Variants in NBEA observed in about 807,000 individuals in gnomAD.
The protein encoded by NBEA is lysosomal-trafficking regulator 2.
In NBEA, 44 loss-of-function variants were observed where a neutral mutation model predicts 343.4. That is an observed-to-expected ratio of 0.13 (90% CI 0.10 to 0.16). The LOEUF (loss-of-function observed/expected upper bound fraction) is 0.16, where lower values mean the gene tolerates loss of function less well. Among genes scored for constraint, NBEA ranks in the 10% least tolerant of loss-of-function variants. The pLI is 1.00. For synonymous variants in NBEA, 1,175 were observed against 1,238.7 expected (o/e 0.95, Z 1.08); for missense variants, 2,555 against 3,631.3 (o/e 0.70, Z 7.62).
Position 35,159,075 on chromosome 13 carries a change from A to G in NBEA, c.2904A>G (p.Gln968=), listed in dbSNP as rs1184194592. ...AAATGTATGAGGAATATCAAAGACA[A>G]GAGGAGGAAAACATTAAAAAGGGAA... ...LAKMYEEYQR[Q]EEENIKKGKK... The change falls in exon 22 of 59, where the codon CAA becomes CAG. Residue 968 remains glutamine, a synonymous_variant. Transcript: ENST00000379939. 1.2e-6 allele frequency: 2 copies of G among 1,613,148 alleles called. No individual in the cohort carries two copies. The highest frequency in any genetic ancestry group is 2.7e-5 in the African/African-American group (2 of 74,908).
chr13:35,410,487 G>A lies in NBEA; in HGVS notation c.6180-21782G>A, dbSNP rs995558043. The stretch of plus-strand genomic sequence containing the variant: ...TGAAATAATACATAGGCAAGAGTCA[G>A]AATAGTAGTAATGGCTTAAGATATA... On this transcript the variant is annotated intron_variant, in intron 38 of 58. Transcript: ENST00000379939. 2.6e-5 allele frequency among the ~76,000 whole-genome samples: 4 copies of A among 152,096 alleles called. No homozygotes were observed. The South Asian group carries it at 6.2e-4, about 24-fold the overall frequency.
chr13:35,532,614 A>G (rs2078319277), intron 41 of NBEA, among the ~76,000 whole-genome samples: 1 of 152,162 alleles, frequency 6.6e-6, no homozygotes, highest in African/African-American at 2.4e-5. Context: ...TTTCTGATCT[A>G]TATTGGCACC....
chr13:35,599,020 G>A (rs1294708879), intron 47 of NBEA, among the ~76,000 whole-genome samples: 1 of 152,112 alleles, frequency 6.6e-6, no homozygotes, highest in African/African-American at 2.4e-5. Context: ...TCAGCATTCT[G>A]CCTGGAAATC....
At chr13:35,426,989 C>G (rs960236242) in intron 38 of NBEA, among the ~76,000 whole-genome samples, 6 of 152,160 alleles carry the variant, frequency 3.9e-5, no homozygotes, top group Admixed American at 3.3e-4. Context: ...TCCATCAGGT[C>G]CTTTAAGGAC....
intron 1 of NBEA, among the ~76,000 whole-genome samples, chr13:34,973,253 G>T (rs1217341033): frequency 6.6e-6 from 1 of 152,110 alleles, no homozygotes; most frequent in Non-Finnish European, 1.5e-5. Context: ...CTGACTGGCA[G>T]GTCTTGCCCA....
chr13:35,135,564 A>T (rs115305546), intron 17 of NBEA, among the ~76,000 whole-genome samples: 3,519 of 152,154 alleles, frequency 0.023, 56 homozygotes, highest in South Asian at 0.074. Context: ...TCATTCTGGT[A>T]AAAAATATAA....
At position 35,039,334 on chromosome 13, in the gene NBEA, T is replaced by C. The variant is rs375127131; in HGVS notation, c.295-1599T>C. On this transcript the variant is annotated intron_variant, in intron 1 of 58. Coordinates refer to ENST00000379939, the MANE Select transcript of NBEA (RefSeq NM_001385012.1). ...AAACCAGGTTCTGTGGGTGCTCACA[T>C]GATTTTTAGCTCTTATGAAGAAGCT... 2.9e-4 allele frequency among the ~76,000 whole-genome samples: 44 copies of C among 152,268 alleles called. 1 individual carries two copies. The South Asian group carries it at 8.9e-3, about 31-fold the overall frequency.
chr13:35,532,010 G>A (rs2078287843), intron 41 of NBEA, among the ~76,000 whole-genome samples: 1 of 152,152 alleles, frequency 6.6e-6, no homozygotes, highest in Non-Finnish European at 1.5e-5. Flanking sequence ...TTCATCTTAT[G>A]CTGTCTGTTG....
intron 38 of NBEA, among the ~76,000 whole-genome samples, chr13:35,394,837 C>T (rs2042668608): frequency 6.6e-6 from 1 of 151,958 alleles, no homozygotes. Flanking sequence ...TTTTGAGGTA[C>T]AAGCTTAAGT....
At chr13:34,962,003 A>G (rs974446862) in intron 1 of NBEA, among the ~76,000 whole-genome samples, 3 of 152,098 alleles carry the variant, frequency 2.0e-5, no homozygotes, top group Admixed American at 1.3e-4. Flanking sequence ...ACATTTTGAA[A>G]TGATATTTTG....
At chr13:35,042,966 AT>A (rs1249783188) in intron 2 of NBEA, among the ~76,000 whole-genome samples, 1 of 151,792 alleles carries the variant, frequency 6.6e-6, no homozygotes, top group African/African-American at 2.4e-5. Flanking sequence ...TAAATTAAAC[AT>A]TTTATAACAA....
At chr13:35,195,734 C>T in intron 30 of NBEA, 130 bp from the exon 31 acceptor site, 4 of 742,498 alleles carry the variant, frequency 5.4e-6, no homozygotes, top group Non-Finnish European at 8.5e-6. Flanking sequence ...TACTACTATG[C>T]ACATCCGTTT....
intron 36 of NBEA, among the ~76,000 whole-genome samples, chr13:35,343,722 A>G (rs1013939129): frequency 3.9e-5 from 6 of 152,058 alleles, no homozygotes; most frequent in African/African-American, 1.4e-4. Context: ...CATGCAAGGG[A>G]TATAGGTTGC....
intron 41 of NBEA, among the ~76,000 whole-genome samples, chr13:35,546,980 T>TA (rs950184838): frequency 4.0e-5 from 6 of 151,770 alleles, no homozygotes; most frequent in South Asian, 2.1e-4. Flanking sequence ...TGGTTTGCTA[T>TA]AAAAAAAAGA....
chr13:35,107,928 T>A (rs2065997889), intron 11 of NBEA, among the ~76,000 whole-genome samples: 1 of 152,098 alleles, frequency 6.6e-6, no homozygotes, highest in African/African-American at 2.4e-5. Flanking sequence ...CCAATCTTTA[T>A]TGTCTCCTAC....
chr13:35,013,630 G>T (rs866330870), intron 1 of NBEA, among the ~76,000 whole-genome samples: 19 of 151,826 alleles, frequency 1.3e-4, no homozygotes, highest in Non-Finnish European at 1.6e-4. Context: ...CACCATGCCT[G>T]GCTAAGTTTT....
At chr13:35,042,455 A>C (rs114027392) in intron 2 of NBEA, among the ~76,000 whole-genome samples, 1 of 151,748 alleles carries the variant, frequency 6.6e-6, no homozygotes, top group Non-Finnish European at 1.5e-5. Flanking sequence ...TAATTCTTAC[A>C]TCTGAGCTTA....
intron 18 of NBEA, among the ~76,000 whole-genome samples, chr13:35,155,422 G>A (rs933430077): frequency 2.0e-5 from 3 of 152,090 alleles, no homozygotes; most frequent in East Asian, 1.9e-4. Context: ...TCAGGAGTTC[G>A]AGACCAGCCT....
At chr13:35,340,374 A>C (rs1053076475) in intron 36 of NBEA, among the ~76,000 whole-genome samples, 5 of 152,142 alleles carry the variant, frequency 3.3e-5, no homozygotes, top group African/African-American at 1.2e-4. Flanking sequence ...CAAATACTGC[A>C]TGATTCCACT....
Sources: allele counts gnomAD v4.1 joint callset (sites outside exome capture counted in the v4.1 genomes callset), GRCh38; gene constraint gnomAD v4.1.1; transcripts MANE v1.5; gene names NCBI Gene and HGNC (gene_info 2026-07-23, HGNC 2026-07-21).